PDE10A: variants seen among roughly 807,000 people sequenced by gnomAD.
The protein encoded by PDE10A is phosphodiesterase 10A, also known as cAMP and cAMP-inhibited cGMP 3',5'-cyclic phosphodiesterase 10A.
PDE10A carries 39 observed loss-of-function variants against 97.7 expected under a neutral mutation model. The observed-to-expected ratio is 0.40, with a 90% CI of 0.31 to 0.52. PDE10A has a LOEUF of 0.52. Ranked by LOEUF, PDE10A falls within the 20% of genes least tolerant of loss-of-function variation. The pLI is 0.56. For missense variants in PDE10A, 731 were observed against 1,047.8 expected (o/e 0.70, Z 4.17); for synonymous variants, 371 against 376.8 (o/e 0.98, Z 0.18).
chr6:165,742,022 G>A (rs1562713766), intron 1 of PDE10A, among the ~76,000 whole-genome samples: 1 of 152,174 alleles, frequency 6.6e-6, no homozygotes, highest in Non-Finnish European at 1.5e-5. Flanking sequence ...ATGTGTTTTG[G>A]TACAGGTCAT....
chr6:165,404,830 G>GA (rs1422449817), intron 13 of PDE10A, among the ~76,000 whole-genome samples: 2 of 150,754 alleles, frequency 1.3e-5, no homozygotes, highest in Non-Finnish European at 2.9e-5. Flanking sequence ...CTAGTTTATG[G>GA]AAACCACAGT....
intron 1 of PDE10A, among the ~76,000 whole-genome samples, chr6:165,634,195 C>G (rs1212510200): frequency 6.6e-6 from 1 of 152,112 alleles, no homozygotes; most frequent in Admixed American, 6.5e-5. Flanking sequence ...TGCCTCCGAT[C>G]AGCGGATCTG....
chr6:165,689,497 C>T (rs575876296), intron 1 of PDE10A, among the ~76,000 whole-genome samples: 4 of 152,272 alleles, frequency 2.6e-5, no homozygotes, highest in African/African-American at 9.6e-5. Flanking sequence ...GTCATGGGGA[C>T]AGATCCCGCA....
intron 1 of PDE10A, among the ~76,000 whole-genome samples, chr6:165,839,967 G>A (rs112936366): frequency 2.1e-4 from 6 of 28,118 alleles, no homozygotes; most frequent in African/African-American, 4.8e-4. Flanking sequence ...CTACATCTCT[G>A]TCTTCATCCC....
At position 165,416,169 on chromosome 6, in the gene PDE10A, C is replaced by T. The variant is rs1447744012; in HGVS notation, c.1889+20G>A. On this transcript the variant is annotated intron_variant, in intron 12 of 21. Coordinates refer to ENST00000539869, the MANE Select transcript of PDE10A (RefSeq NM_001385079.1). ...ATCACAGAAGAAATCAATGGAGTGT[C>T]GACATCAGCTATTTCTTACCTGTTA... 5 of 1,471,260 alleles carry T rather than the reference C, an allele frequency of 3.4e-6. No individual in the cohort carries two copies. The highest frequency in any genetic ancestry group is 2.8e-5 in the African/African-American group (2 of 72,136). 91.1% of individuals were successfully genotyped at this position (1,471,260 alleles called of 1,614,324 possible).
intron 1 of PDE10A, among the ~76,000 whole-genome samples, chr6:165,825,344 G>A (rs1001089879): frequency 6.6e-6 from 1 of 151,942 alleles, no homozygotes; most frequent in Admixed American, 6.6e-5. Flanking sequence ...ATGGCAAAGT[G>A]GTTTTTAATT....
At chr6:165,591,326 T>C (rs969449490) in intron 1 of PDE10A, among the ~76,000 whole-genome samples, 2 of 152,258 alleles carry the variant, frequency 1.3e-5, no homozygotes, top group Non-Finnish European at 2.9e-5. Context: ...TGTGCTTCTG[T>C]TATTCTTTGA....
At chr6:165,347,216 A>G (rs1033673) in intron 18 of PDE10A, among the ~76,000 whole-genome samples, 64 of 152,278 alleles carry the variant, frequency 4.2e-4, no homozygotes, top group Non-Finnish European at 9.0e-4. Flanking sequence ...TATTTTGAGT[A>G]ATTTAGTAAA....
At chr6:165,395,157 A>T in intron 15 of PDE10A, 24 bp downstream of exon 15, 1 of 1,509,714 alleles carries the variant, frequency 6.6e-7, no homozygotes, top group Non-Finnish European at 9.2e-7. Context: ...TATTTCAAAA[A>T]GTAAATTTTA....
intron 8 of PDE10A, among the ~76,000 whole-genome samples, chr6:165,431,154 T>A (rs1415747659): frequency 6.6e-6 from 1 of 151,936 alleles, no homozygotes; most frequent in Non-Finnish European, 1.5e-5. Context: ...CAGCAGGACA[T>A]ATGCCATTTA....
intron 13 of PDE10A, among the ~76,000 whole-genome samples, chr6:165,398,615 A>C (rs748728244): frequency 2.6e-5 from 4 of 152,132 alleles, no homozygotes; most frequent in Admixed American, 6.6e-5. Flanking sequence ...TCTTTATGTC[A>C]ATCAGTTGAC....
intron 1 of PDE10A, among the ~76,000 whole-genome samples, chr6:165,833,701 T>C (rs1480534916): frequency 6.6e-6 from 1 of 152,242 alleles, no homozygotes; most frequent in African/African-American, 2.4e-5. Flanking sequence ...TCTCGAGATG[T>C]TCTTGTCCCA....
At chr6:165,801,855 A>G (rs930578619) in intron 1 of PDE10A, among the ~76,000 whole-genome samples, 1 of 152,206 alleles carries the variant, frequency 6.6e-6, no homozygotes, top group African/African-American at 2.4e-5. Flanking sequence ...CCAGCAGCCT[A>G]CCAATGACTG....
At chr6:165,783,691 TA>T (rs1778406531) in intron 1 of PDE10A, among the ~76,000 whole-genome samples, 1 of 152,164 alleles carries the variant, frequency 6.6e-6, no homozygotes, top group Non-Finnish European at 1.5e-5. Context: ...TACAAACCCT[TA>T]CCAGCCGTTA....
At chr6:165,850,737 A>C (rs912196863) in intron 1 of PDE10A, among the ~76,000 whole-genome samples, 4 of 152,190 alleles carry the variant, frequency 2.6e-5, no homozygotes, top group African/African-American at 9.6e-5. Flanking sequence ...ACTCCCCTTA[A>C]GAAGCATATT....
intron 1 of PDE10A, among the ~76,000 whole-genome samples, chr6:165,649,989 A>G (rs1030260834): frequency 2.0e-5 from 3 of 152,232 alleles, no homozygotes; most frequent in Non-Finnish European, 4.4e-5. Context: ...TGACGTCAGA[A>G]AAGAGCTGAT....
intron 5 of PDE10A, among the ~76,000 whole-genome samples, chr6:165,445,888 C>CA (rs1393992283): frequency 2.2e-5 from 3 of 134,856 alleles, no homozygotes; most frequent in Non-Finnish European, 1.6e-5. Context: ...ATAGAATTCA[C>CA]AGTTAGAGAG....
chr6:165,846,778 A>T (rs183900293), intron 1 of PDE10A, among the ~76,000 whole-genome samples: 131 of 152,362 alleles, frequency 8.6e-4, no homozygotes, highest in African/African-American at 3.1e-3. Flanking sequence ...GCCCTGTGGG[A>T]GTGAAGCCGA....
At chr6:165,804,196 T>C (rs1388262824) in intron 1 of PDE10A, among the ~76,000 whole-genome samples, 1 of 152,044 alleles carries the variant, frequency 6.6e-6, no homozygotes, top group Non-Finnish European at 1.5e-5. Flanking sequence ...ATAGGTGTAT[T>C]TGGGGGGTGG....
Sources: gnomAD v4.1 joint callset for allele counts (sites outside exome capture counted in the v4.1 genomes callset) on GRCh38, gnomAD v4.1.1 for gene constraint, MANE v1.5 for transcripts, NCBI Gene and HGNC (gene_info 2026-07-23, HGNC 2026-07-21) for gene names.